The following VWDE variants were observed in gnomAD, a reference collection of about 807,000 sequenced individuals.
VWDE encodes von Willebrand factor D and EGF domain-containing protein.
VWDE carries 207 observed loss-of-function variants against 178.4 expected under a neutral mutation model. The ratio of observed to expected loss-of-function variants is 1.16; its 90% CI spans 1.04 to 1.30. The LOEUF is 1.30. Among genes scored for constraint, VWDE ranks in the 50% most tolerant of loss-of-function variants. VWDE has a pLI of 0.00. For missense variants in VWDE, 2,287 were observed against 1,901.3 expected (o/e 1.20, Z -3.77); for synonymous variants, 738 against 651.4 (o/e 1.13, Z -2.02).
rs1413081589 is a variant in VWDE at position 12,380,725 on chromosome 7, C to T, written c.550G>A (p.Ala184Thr). 1.3e-6 allele frequency: 2 copies of T among 1,551,304 alleles called. No homozygotes were observed. Among genetic ancestry groups the T allele is most frequent in the African/African-American group, 1.4e-5 (1 of 72,962 alleles). ...GCAGGTGGAGGTGGCAATGAGGCAG[C>T]CAGCTGACCTGGGGAGAAAATGCAT... ...ETGGDCVRQL[A>T]ASLPPPPAGR... The change falls in exon 5 of 29, where the codon GCT becomes ACT. Residue 184 changes from alanine to threonine, a missense_variant. Coordinates refer to ENST00000275358, the MANE Select transcript of VWDE (RefSeq NM_001135924.3).
intron 19 of VWDE, among the ~76,000 whole-genome samples, chr7:12,349,069 C>G (rs879592092): frequency 6.6e-6 from 1 of 151,952 alleles, no homozygotes; most frequent in Non-Finnish European, 1.5e-5. Context: ...CACTCTGGGG[C>G]CTGTTGTGCG....
intron 24 of VWDE, among the ~76,000 whole-genome samples, chr7:12,337,962 C>A (rs1243314944): frequency 6.6e-6 from 1 of 151,988 alleles, no homozygotes; most frequent in South Asian, 2.1e-4. Context: ...GCAGGCATTT[C>A]TTTTAAGTAA....
chr7:12,398,701 C>A (rs1402987094), intron 1 of VWDE, among the ~76,000 whole-genome samples: 2 of 152,080 alleles, frequency 1.3e-5, no homozygotes, highest in African/African-American at 4.8e-5. Flanking sequence ...CACCATGCAG[C>A]ACTATGAAGC....
rs1198739962 is a variant in VWDE at position 12,369,580 on chromosome 7, G to A, written c.2726C>T (p.Pro909Leu). Residue 909 changes from proline (P) to leucine (L), a missense_variant, in exon 12 of 29, where the codon CCA becomes CTA. Coordinates refer to ENST00000275358, the MANE Select transcript of VWDE (RefSeq NM_001135924.3). ...QCMEWGCACS[P>L]SFSSYDCSDS... Reference sequence around the variant, plus strand: ...ACTGCAGTCATAGGAACTAAAGCTTGGGGAACACGCACACCCCCATTCCAT... The same window carrying A: ...ACTGCAGTCATAGGAACTAAAGCTTAGGGAACACGCACACCCCCATTCCAT... 1.9e-5 allele frequency: 29 copies of A among 1,545,112 alleles called. No homozygotes were observed. The highest frequency in any genetic ancestry group is 2.4e-5 in the Non-Finnish European group (27 of 1,142,040).
In VWDE at chr7:12,369,881, G is replaced by A. The variant is rs1039734864; in HGVS notation, c.2425C>T (p.Leu809Phe). The part of the protein sequence containing the change: ...SGLTEYSTLT[L>F]CQETLANSSI... ...GAGTTGGCTAGAGTCTCCTGACAGA[G>A]GGTCAAGGTGCTATACTCGGTGAGG... The change falls in exon 12 of 29, where the codon CTC becomes TTC. Residue 809 changes from leucine (L) to phenylalanine (F), a missense_variant. Transcript: ENST00000275358. The A allele has an allele frequency of 1.3e-6, 2 of 1,551,492 alleles. 1 individual carries two copies.
intron 7 of VWDE, among the ~76,000 whole-genome samples, chr7:12,377,371 C>A (rs1783586287): frequency 6.6e-6 from 1 of 151,990 alleles, no homozygotes; most frequent in Non-Finnish European, 1.5e-5. Flanking sequence ...GAACTTTTAA[C>A]GTAACTTATC....
At chr7:12,339,719 G>A (rs1160296021) in intron 24 of VWDE, among the ~76,000 whole-genome samples, 1 of 152,042 alleles carries the variant, frequency 6.6e-6, no homozygotes, top group Non-Finnish European at 1.5e-5. Context: ...ATATGAAGAT[G>A]TAGAAAATAC....
At position 12,389,436 on chromosome 7, in the gene VWDE, T is replaced by A. The variant is rs1425029909; in HGVS notation, c.244-78A>T. The A allele has an allele frequency of 2.7e-5, 28 of 1,042,298 alleles. No homozygotes were observed. In the Admixed American group the frequency reaches 7.0e-4, roughly 26 times the overall value. 64.6% of individuals were successfully genotyped at this position (1,042,298 alleles called of 1,614,324 possible). The stretch of plus-strand genomic sequence containing the variant: ...GTAGATATATCAACTTTGCATTTTA[T>A]TCTAATCAAGCCTTAAAATATCATT... On this transcript the variant is annotated intron_variant, in intron 2 of 28. Coordinates refer to ENST00000275358, the MANE Select transcript of VWDE (RefSeq NM_001135924.3).
At chr7:12,347,429 T>C (rs1224676062) in intron 19 of VWDE, among the ~76,000 whole-genome samples, 2 of 152,104 alleles carry the variant, frequency 1.3e-5, no homozygotes, top group African/African-American at 4.8e-5. Context: ...ATATCAGAGA[T>C]ATCATAAAAA....
chr7:12,344,421 T>A lies in VWDE; in HGVS notation c.3935A>T (p.Asn1312Ile), dbSNP rs557493216. 6.4e-7 allele frequency: 1 copy of A among 1,551,024 alleles called. No homozygotes were observed. The highest frequency in any genetic ancestry group is 1.2e-5 in the South Asian group (1 of 84,018). The part of the protein sequence containing the change: ...CGKSRECVAP[N>I]ICKCKPGYIG... ...GTAACCAGGTTTACATTTGCAGATGTTTGGGGCAACACACTCCCTACTTTT... is the reference window on the plus strand; with the variant it reads ...GTAACCAGGTTTACATTTGCAGATGATTGGGGCAACACACTCCCTACTTTT... Residue 1312 changes from asparagine (N) to isoleucine (I), a missense_variant, in exon 20 of 29, where the codon AAC becomes ATC. Coordinates refer to ENST00000275358, the MANE Select transcript of VWDE (RefSeq NM_001135924.3).
chr7:12,382,660 T>G (rs1783912579), intron 4 of VWDE, among the ~76,000 whole-genome samples: 1 of 151,924 alleles, frequency 6.6e-6, no homozygotes, highest in African/African-American at 2.4e-5. Context: ...CCTCTGTTAA[T>G]TAAATTAATT....
At position 12,373,070 on chromosome 7, in the gene VWDE, C is replaced by A; in HGVS notation, c.1494G>T (p.Gln498His). 6.4e-7 allele frequency: 1 copy of A among 1,551,262 alleles called. No homozygotes were observed. Among genetic ancestry groups the A allele is most frequent in the South Asian group, 1.2e-5 (1 of 84,058 alleles). Residue 498 changes from glutamine to histidine, a missense_variant, in exon 10 of 29, where the codon CAG (glutamine) becomes CAT (histidine). Physicochemically the swap from Gln to His is conservative, Grantham distance 24. Transcript: ENST00000275358. Reference protein sequence around the residue: ...DIVTFDMCNGQLRESQPYLFI... With the variant: ...DIVTFDMCNGHLRESQPYLFI... ...ACAAATATGGTTGTGATTCACGTAG[C>A]TGACCATTGCACATATCAAAAGTAA...
chr7:12,389,472 A>T (rs1784274624), intron 2 of VWDE, 114 bp from the exon 3 acceptor site: 1 of 773,030 alleles, frequency 1.3e-6, no homozygotes, highest in African/African-American at 1.8e-5. Flanking sequence ...AATCATTAAA[A>T]AAATTATGGC....
In VWDE at chr7:12,343,162, A is replaced by C; in HGVS notation, c.4095T>G (p.Pro1365=). 6.5e-7 allele frequency: 1 copy of C among 1,549,100 alleles called. No homozygotes were observed. The highest frequency in any genetic ancestry group is 1.2e-5 in the South Asian group (1 of 83,960). The change falls in exon 22 of 29, where the codon CCT becomes CCG. Residue 1365 remains proline, a synonymous_variant. Coordinates refer to ENST00000275358, the MANE Select transcript of VWDE (RefSeq NM_001135924.3). Reference sequence around the variant, plus strand: ...CCAAGCATGTGCCACCATGTTGACAAGGTGGGTTACAATGTTCTGCAGAAA... The same window carrying C: ...CCAAGCATGTGCCACCATGTTGACACGGTGGGTTACAATGTTCTGCAGAAA... ...ATCDEEHCNP[P]CQHGGTCLAG...
At chr7:12,336,089 T>C (rs1039100371) in intron 27 of VWDE, 52 bp downstream of exon 27, 5 of 1,447,070 alleles carry the variant, frequency 3.5e-6, no homozygotes, top group Middle Eastern at 1.7e-4. Context: ...TTAATTATTA[T>C]AACAGATTCC....
intron 2 of VWDE, among the ~76,000 whole-genome samples, chr7:12,392,040 A>C (rs1314859459): frequency 6.6e-6 from 1 of 152,220 alleles, no homozygotes; most frequent in Non-Finnish European, 1.5e-5. Flanking sequence ...CAATGCCTCT[A>C]TTAGCTACCT....
Position 12,338,695 on chromosome 7 carries a change from G to T in VWDE, c.4367-1423C>A, listed in dbSNP as rs1781168411. ...CCACATATATTTATGAGATCTATAG[G>T]CCTCATTCTGTCACCAAATCCTGAA... On this transcript the variant is annotated intron_variant, in intron 24 of 28. Coordinates refer to ENST00000275358, the MANE Select transcript of VWDE (RefSeq NM_001135924.3). Among the ~76,000 whole-genome samples the T allele has an allele frequency of 4.6e-5, 7 of 152,136 alleles. 1 individual carries two copies. The South Asian group carries it at 1.5e-3, about 32-fold the overall frequency.
At chr7:12,332,591 A>G (rs918353013) in intron 28 of VWDE, among the ~76,000 whole-genome samples, 2 of 152,176 alleles carry the variant, frequency 1.3e-5, no homozygotes, top group African/African-American at 2.4e-5. Context: ...TTCAAACCCA[A>G]GGAAGCTCAA....
At chr7:12,380,938 G>A (rs1353221447) in intron 4 of VWDE, among the ~76,000 whole-genome samples, 3 of 152,086 alleles carry the variant, frequency 2.0e-5, no homozygotes, top group Admixed American at 2.0e-4. Flanking sequence ...GCCAAGCAAC[G>A]TTATCAGCTC....
Sources: allele counts gnomAD v4.1 joint callset (sites outside exome capture counted in the v4.1 genomes callset), GRCh38; gene constraint gnomAD v4.1.1; transcripts MANE v1.5; gene names NCBI Gene and HGNC (gene_info 2026-07-23, HGNC 2026-07-21).